Variants in GPR39 observed in about 807,000 individuals in gnomAD.
GPR39 encodes the protein G protein-coupled receptor 39, also known as zinc sensing receptor.
GPR39 carries 23 observed loss-of-function variants against 18.4 expected under a neutral mutation model. The observed-to-expected ratio is 1.25, with a 90% CI of 0.90 to 1.77. The LOEUF (loss-of-function observed/expected upper bound fraction) is 1.77, where lower values mean the gene tolerates loss of function less well. GPR39 is among the 40% of genes most tolerant of loss of function. The pLI is 0.00. For synonymous variants in GPR39, 280 were observed against 257.9 expected, an observed-to-expected ratio of 1.09 and a Z score of -0.82; for missense variants, 647 against 602.4, an observed-to-expected ratio of 1.07 and a Z score of -0.78.
intron 1 of GPR39, among the ~76,000 whole-genome samples, chr2:132,577,216 G>C (rs559761516): frequency 6.6e-6 from 1 of 152,146 alleles, no homozygotes; most frequent in South Asian, 2.1e-4. Context: ...AATTAACCAG[G>C]TGTCGTGGCA....
intron 1 of GPR39, among the ~76,000 whole-genome samples, chr2:132,637,573 A>G (rs1681786710): frequency 6.6e-6 from 1 of 152,250 alleles, no homozygotes; most frequent in Non-Finnish European, 1.5e-5. Context: ...CTGTCTTCTA[A>G]AAGAAATTCC....
chr2:132,556,418 T>C (rs1403250563), intron 1 of GPR39, among the ~76,000 whole-genome samples: 2 of 152,156 alleles, frequency 1.3e-5, no homozygotes, highest in Non-Finnish European at 2.9e-5. Flanking sequence ...TATTTCACAG[T>C]TGACTCTGTA....
intron 1 of GPR39, among the ~76,000 whole-genome samples, chr2:132,510,037 A>G (rs574115778): frequency 1.9e-4 from 29 of 152,304 alleles, no homozygotes; most frequent in African/African-American, 7.0e-4. Flanking sequence ...AAATCCATAT[A>G]TCTCTAACTA....
At chr2:132,534,504 A>G (rs1355258377) in intron 1 of GPR39, among the ~76,000 whole-genome samples, 2 of 148,246 alleles carry the variant, frequency 1.3e-5, no homozygotes, top group Non-Finnish European at 3.0e-5. Flanking sequence ...TAACCAAATG[A>G]CTATAAATCA....
intron 1 of GPR39, among the ~76,000 whole-genome samples, chr2:132,420,753 C>A (rs1236148390): frequency 6.6e-6 from 1 of 152,108 alleles, no homozygotes; most frequent in East Asian, 1.9e-4. Context: ...ATGAGGAAGC[C>A]CATGTAAAAA....
intron 1 of GPR39, among the ~76,000 whole-genome samples, chr2:132,620,895 G>A (rs10190363): frequency 0.024 from 3,577 of 152,190 alleles, 128 homozygotes; most frequent in African/African-American, 0.081. Context: ...TGGGACTACA[G>A]GTGCCCACCA....
intron 1 of GPR39, among the ~76,000 whole-genome samples, chr2:132,470,591 A>G (rs1340509185): frequency 6.6e-6 from 1 of 152,124 alleles, no homozygotes; most frequent in South Asian, 2.1e-4. Context: ...AGGGTGAGCC[A>G]TTGTGGTTGT....
chr2:132,511,367 ATAT>A (rs1299338509), intron 1 of GPR39, among the ~76,000 whole-genome samples: 14 of 152,374 alleles, frequency 9.2e-5, no homozygotes, highest in African/African-American at 2.9e-4. Flanking sequence ...CATATTATGA[ATAT>A]TATTAAATAC....
intron 1 of GPR39, among the ~76,000 whole-genome samples, chr2:132,549,159 T>C (rs1679997206): frequency 6.6e-6 from 1 of 152,178 alleles, no homozygotes; most frequent in African/African-American, 2.4e-5. Flanking sequence ...TGCCTTTCAA[T>C]GGAGCCTGGA....
intron 1 of GPR39, among the ~76,000 whole-genome samples, chr2:132,613,389 C>G (rs1455856101): frequency 6.6e-6 from 1 of 152,210 alleles, no homozygotes; most frequent in Non-Finnish European, 1.5e-5. Flanking sequence ...TCTCCATCCT[C>G]CTTAGGCAAA....
intron 1 of GPR39, among the ~76,000 whole-genome samples, chr2:132,525,509 A>G (rs1196136027): frequency 1.3e-5 from 2 of 152,196 alleles, no homozygotes; most frequent in Non-Finnish European, 1.5e-5. Flanking sequence ...GACAGAGTGA[A>G]TCCCGGCCTG....
At chr2:132,567,217 G>A (rs1680364389) in intron 1 of GPR39, among the ~76,000 whole-genome samples, 2 of 152,200 alleles carry the variant, frequency 1.3e-5, no homozygotes, top group African/African-American at 2.4e-5. Context: ...AGCTACTCAG[G>A]AGGCTGAGGC....
rs1050940229 is a variant in GPR39, at chr2:132,645,474, A to C, written c.1230A>C (p.Leu410Phe). The C allele has an allele frequency of 2.2e-5, 36 of 1,614,034 alleles. No homozygotes were observed. Among genetic ancestry groups the C allele is most frequent in the Non-Finnish European group, 3.1e-5 (36 of 1,180,028 alleles). The change falls in exon 2 of 2, where the codon TTA (leucine) becomes TTC (phenylalanine). Residue 410 changes from leucine to phenylalanine, a missense_variant. Around this residue, in one of 3 missense-constraint regions of GPR39, gnomAD observed 581 missense variants for 506.8 expected, o/e 1.15. Transcript: ENST00000329321. ...CAAGGAGAACTGAGAAGATTTTCTT[A>C]AGCACTTTTCAGAGCGAGGCCGAGC... ...SSARRTEKIF[L>F]STFQSEAEPQ...
intron 1 of GPR39, among the ~76,000 whole-genome samples, chr2:132,474,964 C>T (rs1681099055): frequency 6.6e-6 from 1 of 152,146 alleles, no homozygotes; most frequent in Non-Finnish European, 1.5e-5. Flanking sequence ...TCAGGTTTTA[C>T]AGAGTAAATC....
chr2:132,475,601 C>T (rs573066164), intron 1 of GPR39, among the ~76,000 whole-genome samples: 2 of 152,130 alleles, frequency 1.3e-5, no homozygotes, highest in South Asian at 2.1e-4. Context: ...TTCGTAGTCC[C>T]ACCCTTACTC....
chr2:132,432,602 A>C (rs145647559), intron 1 of GPR39, among the ~76,000 whole-genome samples: 1 of 152,074 alleles, frequency 6.6e-6, no homozygotes, highest in East Asian at 1.9e-4. Flanking sequence ...TTTTCTTATA[A>C]AGTGACATTT....
intron 1 of GPR39, among the ~76,000 whole-genome samples, chr2:132,425,028 C>T (rs1008990523): frequency 2.0e-5 from 3 of 152,312 alleles, no homozygotes; most frequent in Admixed American, 2.0e-4. Context: ...GGGAGCTAAA[C>T]TAGGTCACAG....
At chr2:132,476,716 A>G (rs1049624713) in intron 1 of GPR39, among the ~76,000 whole-genome samples, 1 of 151,666 alleles carries the variant, frequency 6.6e-6, no homozygotes, top group Admixed American at 6.6e-5. Context: ...CGGGAAAAGG[A>G]AGTGAGGTAG....
chr2:132,582,758 A>G (rs189692717), intron 1 of GPR39, among the ~76,000 whole-genome samples: 214 of 152,094 alleles, frequency 1.4e-3, no homozygotes, highest in African/African-American at 2.3e-3. Context: ...AACCAGCCTC[A>G]CCCTCCTTCC....
Sources: allele counts gnomAD v4.1 joint callset (sites outside exome capture counted in the v4.1 genomes callset), GRCh38; gene constraint gnomAD v4.1.1; regional missense constraint gnomAD v4.1.1; transcripts MANE v1.5; gene names NCBI Gene and HGNC (gene_info 2026-07-23, HGNC 2026-07-21).